The following SLA variants were observed in gnomAD, a reference collection of about 807,000 sequenced individuals.
SLA encodes the protein Src like adaptor.
Under a neutral mutation model 30.3 loss-of-function variants are expected in SLA, and 16 were observed. The ratio of observed to expected loss-of-function variants is 0.53; its 90% CI spans 0.36 to 0.80. The LOEUF is 0.80. SLA is among the 30% of genes least tolerant of loss of function. The probability of loss-of-function intolerance (pLI) is 0.01; values close to 1 mark genes in which losing one functional copy is unlikely to be tolerated. For missense variants in SLA, 310 were observed against 345.2 expected (o/e 0.90, Z 0.81); for synonymous variants, 143 against 137.8 (o/e 1.04, Z -0.26).
At chr8:133,071,390 C>T (rs1387891413) in intron 2 of SLA, among the ~76,000 whole-genome samples, 1 of 152,170 alleles carries the variant, frequency 6.6e-6, no homozygotes, top group Non-Finnish European at 1.5e-5. Flanking sequence ...GCTACCGTGT[C>T]CTTAGGCCTG....
At chr8:133,062,620 C>G (rs750795849) in intron 2 of SLA, among the ~76,000 whole-genome samples, 2 of 152,254 alleles carry the variant, frequency 1.3e-5, no homozygotes, top group Non-Finnish European at 2.9e-5. Flanking sequence ...GCCACAGGCG[C>G]TGTCCTGCAC....
At chr8:133,077,073 G>A (rs1845004986) in intron 1 of SLA, among the ~76,000 whole-genome samples, 1 of 152,194 alleles carries the variant, frequency 6.6e-6, no homozygotes, top group African/African-American at 2.4e-5. Context: ...GCCAGTCGTG[G>A]GGTGGATGGG....
At chr8:133,060,224 G>A in intron 2 of SLA, 24 bp from the exon 3 acceptor site, 1 of 1,613,156 alleles carries the variant, frequency 6.2e-7, no homozygotes, top group Non-Finnish European at 8.5e-7. Flanking sequence ...GACAGACGGG[G>A]AAAGTCAACC....
At chr8:133,084,345 A>G (rs1239195544) in intron 1 of SLA, among the ~76,000 whole-genome samples, 1 of 152,212 alleles carries the variant, frequency 6.6e-6, no homozygotes, top group Non-Finnish European at 1.5e-5. Context: ...ACAAGTTATA[A>G]TGATGAAATT....
chr8:133,040,540 C>T (rs1486586769), intron 7 of SLA, among the ~76,000 whole-genome samples: 1 of 152,188 alleles, frequency 6.6e-6, no homozygotes, highest in African/African-American at 2.4e-5. Flanking sequence ...CCGCAAATGC[C>T]CAATCCATTA....
chr8:133,083,898 T>TC (rs1846110805), intron 1 of SLA, among the ~76,000 whole-genome samples: 2 of 151,982 alleles, frequency 1.3e-5, no homozygotes, highest in South Asian at 2.1e-4. Flanking sequence ...TTCCCAGTTT[T>TC]CCCCCTGGCT....
intron 2 of SLA, chr8:133,064,024 G>A (rs1842748932): frequency 6.6e-6 from 1 of 152,208 alleles, no homozygotes; most frequent in African/African-American, 2.4e-5. Flanking sequence ...AATTAACACT[G>A]GCTCTGCAAA....
chr8:133,059,219 C>G (rs1160161599), intron 3 of SLA: 1 of 445,100 alleles, frequency 2.2e-6, no homozygotes, highest in East Asian at 7.0e-5. Flanking sequence ...CACCAGGCCC[C>G]AAATGCTACC....
rs16904818 is a variant in SLA at position 133,064,674 on chromosome 8, G to A, written c.-40-4474C>T. ...CTGGCATGGCGTTGCCGTCGACAACGTGGGATATGCCGGCCAGCAGCCCTC... is the reference window on the plus strand; with the variant it reads ...CTGGCATGGCGTTGCCGTCGACAACATGGGATATGCCGGCCAGCAGCCCTC... On this transcript the variant is annotated intron_variant, in intron 2 of 8. Coordinates refer to ENST00000338087, the MANE Select transcript of SLA (RefSeq NM_001045556.3). Among the ~76,000 whole-genome samples, 767 of 152,326 alleles carry A rather than the reference G, an allele frequency of 5.0e-3. 5 individuals are homozygous for A. The highest frequency in any genetic ancestry group is 0.018 in the African/African-American group (734 of 41,568).
At position 133,062,181 on chromosome 8, in the gene SLA, C is replaced by T. The variant is rs189968035; in HGVS notation, c.-40-1981G>A. 2.0e-3 allele frequency among the ~76,000 whole-genome samples: 306 copies of T among 152,262 alleles called. 1 individual carries two copies. Among genetic ancestry groups the T allele is most frequent in the African/African-American group, 7.1e-3 (294 of 41,562 alleles). Reference sequence around the variant, plus strand: ...AGGATGCCCTTGCAAATTTGAGGCTCGGGCCCTTCTTTCTTCATGCTTGCC... The same window carrying T: ...AGGATGCCCTTGCAAATTTGAGGCTTGGGCCCTTCTTTCTTCATGCTTGCC... On this transcript the variant is annotated intron_variant, in intron 2 of 8. Transcript: ENST00000338087.
chr8:133,072,324 T>A (rs1418447629), intron 2 of SLA, among the ~76,000 whole-genome samples: 1 of 152,178 alleles, frequency 6.6e-6, no homozygotes, highest in Non-Finnish European at 1.5e-5. Context: ...GAGGAAGTGG[T>A]TTGAACAGAG....
intron 2 of SLA, among the ~76,000 whole-genome samples, chr8:133,061,587 G>C (rs563508560): frequency 1.2e-3 from 178 of 152,322 alleles, no homozygotes; most frequent in Non-Finnish European, 2.0e-3. Flanking sequence ...AGAGAGGAAG[G>C]CCACATTCAT....
In SLA at chr8:133,042,678, C is replaced by CTTTTTTTTTTTTT. The variant is rs58739514; in HGVS notation, c.484+2293_484+2305dup. Among the ~76,000 whole-genome samples the CTTTTTTTTTTTTT allele has an allele frequency of 1.2e-3, 69 of 56,762 alleles. 12 individuals carry two copies. Among genetic ancestry groups the CTTTTTTTTTTTTT allele is most frequent in the African/African-American group, 2.1e-3 (31 of 14,484 alleles). 37.2% of individuals were successfully genotyped at this position (56,762 alleles called of 152,430 possible). A position where few individuals can be genotyped will look rare whatever the true frequency, so the allele number is the denominator to read the frequency against. Reference sequence around the variant, plus strand: ...GTGCACAATTCCTCTCATTCTGTGTCTTTTTTTTTTTTTTTTTTTTTTTTT... The same window carrying CTTTTTTTTTTTTT: ...GTGCACAATTCCTCTCATTCTGTGTCTTTTTTTTTTTTTTTTTTTTTTTTTTTTTTTTTTTTTT... On this transcript the variant is annotated intron_variant, in intron 7 of 8. Coordinates refer to ENST00000338087, the MANE Select transcript of SLA (RefSeq NM_001045556.3).
chr8:133,058,996 C>T, intron 3 of SLA: 1 of 465,642 alleles, frequency 2.1e-6, no homozygotes, highest in Non-Finnish European at 4.3e-6. Flanking sequence ...CTGGGCCTGT[C>T]CATTTTGGAA....
chr8:133,061,854 T>C (rs886261817), intron 2 of SLA, among the ~76,000 whole-genome samples: 3 of 152,200 alleles, frequency 2.0e-5, no homozygotes, highest in African/African-American at 4.8e-5. Context: ...GAGGGAGGTC[T>C]GCACTGCTCC....
chr8:133,098,421 G>A (rs898727068), intron 1 of SLA, among the ~76,000 whole-genome samples: 2 of 152,178 alleles, frequency 1.3e-5, no homozygotes, highest in African/African-American at 2.4e-5. Context: ...TGTCCGCCCT[G>A]GAGACAGTAC....
intron 6 of SLA, 59 bp from the exon 7 acceptor site, chr8:133,045,174 G>C: frequency 6.3e-7 from 1 of 1,594,674 alleles, no homozygotes; most frequent in Non-Finnish European, 8.6e-7. Context: ...AAGGCACCCA[G>C]CTAACCAGCC....
intron 1 of SLA, among the ~76,000 whole-genome samples, chr8:133,092,580 G>C (rs747328017): frequency 2.0e-5 from 3 of 152,118 alleles, no homozygotes; most frequent in Non-Finnish European, 2.9e-5. Context: ...CACCTACCTG[G>C]CCTCATGCAT....
chr8:133,049,431 A>C, intron 5 of SLA: 1 of 275,996 alleles, frequency 3.6e-6, no homozygotes, highest in South Asian at 3.7e-5. Context: ...ACAACCCTAC[A>C]CTTTGATCAT....
Sources: gnomAD v4.1 joint callset for allele counts (sites outside exome capture counted in the v4.1 genomes callset) on GRCh38, gnomAD v4.1.1 for gene constraint, MANE v1.5 for transcripts, NCBI Gene and HGNC (gene_info 2026-07-23, HGNC 2026-07-21) for gene names.